KSR2: variants seen among roughly 807,000 people sequenced by gnomAD.
The protein encoded by KSR2 is kinase suppressor of ras 2.
A neutral mutation model predicts 107.8 loss-of-function variants in KSR2; 25 were observed. That is an observed-to-expected ratio of 0.23 (90% CI 0.17 to 0.32). The LOEUF (loss-of-function observed/expected upper bound fraction) is 0.32, where lower values mean the gene tolerates loss of function less well. Among genes scored for constraint, KSR2 ranks in the 10% least tolerant of loss-of-function variants. The probability of loss-of-function intolerance (pLI) is 1.00; values close to 1 mark genes in which losing one functional copy is unlikely to be tolerated. For synonymous variants in KSR2, 480 were observed against 507.0 expected, an observed-to-expected ratio of 0.95 and a Z score of 0.71; for missense variants, 887 against 1,268.9, an observed-to-expected ratio of 0.70 and a Z score of 4.57.
intron 4 of KSR2, among the ~76,000 whole-genome samples, chr12:117,727,044 T>G (rs564663114): frequency 6.6e-6 from 1 of 152,196 alleles, no homozygotes; most frequent in Admixed American, 6.5e-5. Context: ...AGGTCATACT[T>G]GATTAGGATG....
intron 10 of KSR2, among the ~76,000 whole-genome samples, chr12:117,533,924 CAT>C (rs1185809248): frequency 6.6e-6 from 1 of 152,168 alleles, no homozygotes; most frequent in Non-Finnish European, 1.5e-5. Context: ...GAAAGGGAAA[CAT>C]ATGACCAGAA....
chr12:117,778,997 T>G (rs1284935105), intron 3 of KSR2, among the ~76,000 whole-genome samples: 2 of 152,188 alleles, frequency 1.3e-5, no homozygotes, highest in Non-Finnish European at 2.9e-5. Context: ...GTTTTCCAAA[T>G]CCCTTTGGCT....
intron 14 of KSR2, among the ~76,000 whole-genome samples, chr12:117,497,007 A>G (rs545859238): frequency 5.9e-5 from 9 of 151,648 alleles, no homozygotes; most frequent in African/African-American, 2.2e-4. Context: ...ACACACCTGT[A>G]CATGGTGGTA....
chr12:117,939,540 A>T (rs1246646247), intron 1 of KSR2, among the ~76,000 whole-genome samples: 4 of 152,096 alleles, frequency 2.6e-5, no homozygotes, highest in African/African-American at 7.2e-5. Context: ...GTGAAAGCCC[A>T]TCTCTACTAA....
At chr12:117,967,384 G>C (rs1365275982) in intron 1 of KSR2, among the ~76,000 whole-genome samples, 2 of 152,082 alleles carry the variant, frequency 1.3e-5, no homozygotes, top group Non-Finnish European at 1.5e-5. Context: ...ACCTATGTGT[G>C]CTGATTGAGG....
At chr12:117,871,387 A>C (rs1893645200) in intron 1 of KSR2, among the ~76,000 whole-genome samples, 1 of 152,106 alleles carries the variant, frequency 6.6e-6, no homozygotes. Context: ...TCAGGAGTTC[A>C]AGAGCAGCCT....
intron 14 of KSR2, among the ~76,000 whole-genome samples, chr12:117,492,205 G>C (rs1462566577): frequency 1.3e-5 from 2 of 152,186 alleles, no homozygotes; most frequent in African/African-American, 4.8e-5. Context: ...GAGAGCCTTT[G>C]GCTAAGATGG....
At chr12:117,865,437 G>A (rs1487607306) in intron 1 of KSR2, among the ~76,000 whole-genome samples, 1 of 152,116 alleles carries the variant, frequency 6.6e-6, no homozygotes, top group African/African-American at 2.4e-5. Context: ...ATCTATGTAT[G>A]CCTATGTTGT....
intron 1 of KSR2, among the ~76,000 whole-genome samples, chr12:117,906,900 G>T (rs192091772): frequency 1.1e-3 from 163 of 152,120 alleles, no homozygotes; most frequent in Non-Finnish European, 1.3e-3. Flanking sequence ...GGTGGCACAC[G>T]CCTGTAGTCC....
At chr12:117,710,604 G>A (rs1187693907) in intron 4 of KSR2, among the ~76,000 whole-genome samples, 1 of 152,156 alleles carries the variant, frequency 6.6e-6, no homozygotes, top group African/African-American at 2.4e-5. Flanking sequence ...CCGTATGGGT[G>A]GGGTTTTGGG....
At chr12:117,558,120 T>C (rs1877834573) in intron 8 of KSR2, among the ~76,000 whole-genome samples, 1 of 152,264 alleles carries the variant, frequency 6.6e-6, no homozygotes, top group Non-Finnish European at 1.5e-5. Context: ...GCAAGGCCAA[T>C]TGATTAAATC....
chr12:117,728,274 A>G (rs16947925), intron 4 of KSR2, among the ~76,000 whole-genome samples: 10,906 of 152,270 alleles, frequency 0.072, 1,311 homozygotes, highest in African/African-American at 0.25. Flanking sequence ...GTCCTCTTCC[A>G]TAAAGATAAG....
chr12:117,880,087 G>A lies in KSR2; in HGVS notation c.181-19656C>T, dbSNP rs549965605. Among the ~76,000 whole-genome samples, 32 of 149,708 alleles carry A rather than the reference G, an allele frequency of 2.1e-4. 1 individual carries two copies. The highest frequency in any genetic ancestry group is 1.7e-3 in the Admixed American group (26 of 15,084). On this transcript the variant is annotated intron_variant, in intron 1 of 19. Transcript: ENST00000339824. ...CTTGAACCTGGGAGGCGGAGGTTGC[G>A]GTGAGCTGAGATTGTGCCATTGCAC...
At chr12:117,754,801 A>G (rs1469204381) in intron 4 of KSR2, among the ~76,000 whole-genome samples, 1 of 152,314 alleles carries the variant, frequency 6.6e-6, no homozygotes, top group Non-Finnish European at 1.5e-5. Context: ...ACTCCATCTC[A>G]AAAAATAAAA....
chr12:117,911,134 CCTCT>C (rs929453077), intron 1 of KSR2, among the ~76,000 whole-genome samples: 1 of 150,712 alleles, frequency 6.6e-6, no homozygotes, highest in Admixed American at 6.7e-5. Flanking sequence ...ATTCTCTCTC[CCTCT>C]CTCACTTGCA....
chr12:117,926,583 T>G (rs1158966040), intron 1 of KSR2, among the ~76,000 whole-genome samples: 1 of 152,224 alleles, frequency 6.6e-6, no homozygotes, highest in Non-Finnish European at 1.5e-5. Flanking sequence ...CTTTGGAAGT[T>G]TCTCTAAAGA....
chr12:117,730,906 T>C (rs1887646906), intron 4 of KSR2, among the ~76,000 whole-genome samples: 1 of 152,142 alleles, frequency 6.6e-6, no homozygotes, highest in African/African-American at 2.4e-5. Flanking sequence ...AGTGCTGAGA[T>C]TGCAGCCTCT....
chr12:117,463,011 AC>A lies in KSR2; in HGVS notation c.*4187del, dbSNP rs1470687176. ...CTCACCAGAAACCAACCCTGCTGAC[AC>A]CTTGATCTTGGGACTTCCAGCCTCA... On this transcript the variant is annotated 3_prime_UTR_variant, in exon 20 of 20. Coordinates refer to ENST00000339824, the MANE Select transcript of KSR2 (RefSeq NM_173598.6). 2 of 152,260 alleles carry A rather than the reference AC, an allele frequency of 1.3e-5. No individual in the cohort carries two copies. Among genetic ancestry groups the A allele is most frequent in the Non-Finnish European group, 2.9e-5 (2 of 68,060 alleles). 9.4% of individuals were successfully genotyped at this position (152,260 alleles called of 1,614,324 possible). A position where few individuals can be genotyped will look rare whatever the true frequency, so the allele number is the denominator to read the frequency against.
chr12:117,555,899 G>A (rs781454062), intron 8 of KSR2, among the ~76,000 whole-genome samples: 2 of 152,126 alleles, frequency 1.3e-5, no homozygotes, highest in African/African-American at 4.8e-5. Context: ...CACAGCAAGG[G>A]GCAAAAATGA....
Sources: gnomAD v4.1 joint callset for allele counts (sites outside exome capture counted in the v4.1 genomes callset) on GRCh38, gnomAD v4.1.1 for gene constraint, MANE v1.5 for transcripts, NCBI Gene and HGNC (gene_info 2026-07-23, HGNC 2026-07-21) for gene names.